Variants in PPARA observed in about 807,000 individuals in gnomAD.
PPARA encodes the protein peroxisome proliferator-activated receptor alpha.
In PPARA, 22 loss-of-function variants were observed where a neutral mutation model predicts 42.2. The observed-to-expected ratio is 0.52, with a 90% CI of 0.37 to 0.74. PPARA has a LOEUF of 0.74. PPARA is among the 30% of genes least tolerant of loss of function. PPARA has a pLI of 0.00. For missense variants in PPARA, 465 were observed against 608.2 expected, an observed-to-expected ratio of 0.76 and a Z score of 2.48; for synonymous variants, 242 against 239.3, an observed-to-expected ratio of 1.01 and a Z score of -0.10.
In PPARA at chr22:46,231,883, C is replaced by T. The variant is rs1042311; in HGVS notation, c.803C>T (p.Ala268Val). Reference sequence around the variant, plus strand: ...GCCAATGGCATCCAGAACAAGGAGGCGGAGGTCCGCATCTTTCACTGCTGC... The same window carrying T: ...GCCAATGGCATCCAGAACAAGGAGGTGGAGGTCCGCATCTTTCACTGCTGC... ...LVANGIQNKE[A>V]EVRIFHCCQC... The change falls in exon 8 of 9, where the codon GCG (alanine) becomes GTG (valine). Residue 268 changes from alanine to valine, a missense_variant. Ala to Val is a moderately conservative substitution (Grantham distance 64, BLOSUM62 0). Around this residue, in one of 2 missense-constraint regions of PPARA, gnomAD observed 313 missense variants for 469.1 expected, o/e 0.67. Transcript: ENST00000407236. The surrounding 1 kb of genome is among the most constrained non-coding windows in gnomAD (Gnocchi z 7.7). 8,500 of 1,614,122 alleles carry T rather than the reference C, an allele frequency of 5.3e-3. 32 individuals carry two copies. Among genetic ancestry groups the T allele is most frequent in the Non-Finnish European group, 6.4e-3 (7,503 of 1,180,018 alleles).
Position 46,196,135 on chromosome 22 carries a change from G to A in PPARA, c.-42-2207G>A, listed in dbSNP as rs1041121705. ...GGGAACAGTGTGTTCAGGAGACTGG[G>A]CTTCAATCTGGAGGTCTCAGGAAGT... On this transcript the variant is annotated intron_variant, in intron 3 of 8. Transcript: ENST00000407236. The surrounding 1 kb of genome is among the most constrained non-coding windows in gnomAD (Gnocchi z 5.6). Among the ~76,000 whole-genome samples the A allele has an allele frequency of 6.6e-6, 1 of 152,174 alleles. No individual in the cohort carries two copies. The highest frequency in any genetic ancestry group is 1.5e-5 in the Non-Finnish European group (1 of 68,038).
At chr22:46,175,191 A>T (rs909749739) in intron 2 of PPARA, among the ~76,000 whole-genome samples, 1 of 152,112 alleles carries the variant, frequency 6.6e-6, no homozygotes, top group African/African-American at 2.4e-5. Context: ...GAAATAATAC[A>T]GAGATCCCCA....
chr22:46,218,562 G>C (rs999095756), intron 6 of PPARA, among the ~76,000 whole-genome samples, 161 bp downstream of exon 6: 3 of 152,084 alleles, frequency 2.0e-5, no homozygotes. Flanking sequence ...GCCCAGGCGC[G>C]GTGGTTCACG....
At position 46,225,034 on chromosome 22, in the gene PPARA, G is replaced by C. The variant is rs1935302660; in HGVS notation, c.711+5020G>C. On this transcript the variant is annotated intron_variant, in intron 7 of 8. Coordinates refer to ENST00000407236, the MANE Select transcript of PPARA (RefSeq NM_005036.6). This position sits in a 1 kb window ranked among gnomAD's most constrained non-coding sequence, Gnocchi z 4.1. Reference sequence around the variant, plus strand: ...GCCTAGAATCAGCCAGGAGGCTTGGGTCGGGGTTGGAACCGGCCAGGGTGC... The same window carrying C: ...GCCTAGAATCAGCCAGGAGGCTTGGCTCGGGGTTGGAACCGGCCAGGGTGC... Among the ~76,000 whole-genome samples, 1 of 152,108 alleles carries C rather than the reference G, an allele frequency of 6.6e-6. No individual in the cohort carries two copies. Among genetic ancestry groups the C allele is most frequent in the Non-Finnish European group, 1.5e-5 (1 of 68,018 alleles).
rs1324075322 is a variant in PPARA at position 46,239,503 on chromosome 22, C to T, written c.*4123C>T. On this transcript the variant is annotated 3_prime_UTR_variant, in exon 9 of 9. Coordinates refer to ENST00000407236, the MANE Select transcript of PPARA (RefSeq NM_005036.6). ...CACAGGGGAGCAGCATCTCGTATGA[C>T]GTCTGGAAGGAACTTCGGTTGTGTA... is the stretch of plus-strand genomic sequence containing the variant. The T allele has an allele frequency of 6.8e-6, 1 of 147,360 alleles. No individual in the cohort carries two copies. The highest frequency in any genetic ancestry group is 1.5e-5 in the Non-Finnish European group (1 of 67,130). 9.1% of individuals were successfully genotyped at this position (147,360 alleles called of 1,614,324 possible).
chr22:46,193,867 A>G lies in PPARA; in HGVS notation c.-42-4475A>G, dbSNP rs1408402714. ...TGGACCAGAGGTTGCAGTTGTTGAG[A>G]AAAGGGATGGTTGGTTATGCCTTGA... On this transcript the variant is annotated intron_variant, in intron 3 of 8. Coordinates refer to ENST00000407236, the MANE Select transcript of PPARA (RefSeq NM_005036.6). This position sits in a 1 kb window ranked among gnomAD's most constrained non-coding sequence, Gnocchi z 5.3. Among the ~76,000 whole-genome samples, 1 of 152,156 alleles carries G rather than the reference A, an allele frequency of 6.6e-6. No homozygotes were observed. The highest frequency in any genetic ancestry group is 2.4e-5 in the African/African-American group (1 of 41,432).
Position 46,161,036 on chromosome 22 carries a change from C to T in PPARA, c.-127+9066C>T, listed in dbSNP as rs941568009. Among the ~76,000 whole-genome samples, 1 of 152,172 alleles carries T rather than the reference C, an allele frequency of 6.6e-6. No individual in the cohort carries two copies. Among genetic ancestry groups the T allele is most frequent in the Non-Finnish European group, 1.5e-5 (1 of 68,032 alleles). On this transcript the variant is annotated intron_variant, in intron 2 of 8. Coordinates refer to ENST00000407236, the MANE Select transcript of PPARA (RefSeq NM_005036.6). This position sits in a 1 kb window ranked among gnomAD's most constrained non-coding sequence, Gnocchi z 4.8. ...AAGTGAAAGTGAATATTTAACCACA[C>T]TCAAGCACAGCTGATGATCTTTAAT...
In PPARA at chr22:46,216,746, A is replaced by T. The variant is rs1445762540; in HGVS notation, c.369+1413A>T. Among the ~76,000 whole-genome samples, 1 of 152,158 alleles carries T rather than the reference A, an allele frequency of 6.6e-6. No homozygotes were observed. The highest frequency in any genetic ancestry group is 2.4e-5 in the African/African-American group (1 of 41,432). ...CAGATGTGACCTGGGCCAGGAGTGCATGAAGGCAGGCCCTGTTGTCCTGCA... is the reference window on the plus strand; with the variant it reads ...CAGATGTGACCTGGGCCAGGAGTGCTTGAAGGCAGGCCCTGTTGTCCTGCA... On this transcript the variant is annotated intron_variant, in intron 5 of 8. Transcript: ENST00000407236. The surrounding 1 kb of genome is among the most constrained non-coding windows in gnomAD (Gnocchi z 4.5).
rs916454362 is a variant in PPARA at position 46,167,348 on chromosome 22, T to A, written c.-126-9405T>A. On this transcript the variant is annotated intron_variant, in intron 2 of 8. Transcript: ENST00000407236. This position sits in a 1 kb window ranked among gnomAD's most constrained non-coding sequence, Gnocchi z 4.1. ...AATTATTATTGAAATGGGTCATAGATCTAATTGTAAGAGTTAAAACCATCC... is the reference window on the plus strand; with the variant it reads ...AATTATTATTGAAATGGGTCATAGAACTAATTGTAAGAGTTAAAACCATCC... Among the ~76,000 whole-genome samples, 12 of 151,954 alleles carry A rather than the reference T, an allele frequency of 7.9e-5. No individual in the cohort carries two copies. The highest frequency in any genetic ancestry group is 1.5e-4 in the Non-Finnish European group (10 of 68,006).
chr22:46,219,731 CT>C lies in PPARA; in HGVS notation c.509-80del. The C allele has an allele frequency of 7.1e-7, 1 of 1,402,124 alleles. No homozygotes were observed. Among genetic ancestry groups the C allele is most frequent in the East Asian group, 2.3e-5 (1 of 42,996 alleles). The allele number at this position is 1,402,124 out of a possible 1,614,324, so 86.9% of individuals were successfully genotyped here. On this transcript the variant is annotated intron_variant, in intron 6 of 8. Coordinates refer to ENST00000407236, the MANE Select transcript of PPARA (RefSeq NM_005036.6). The surrounding 1 kb of genome is among the most constrained non-coding windows in gnomAD (Gnocchi z 4.8). ...GAATTTTCATTCCTGGTTTAAAGTC[CT>C]GGGGGAGCCCCTCGTCCAGCCCTGT... is the stretch of plus-strand genomic sequence containing the variant.
chr22:46,170,235 AG>A (rs962067065), intron 2 of PPARA, among the ~76,000 whole-genome samples: 5 of 150,794 alleles, frequency 3.3e-5, no homozygotes, highest in Middle Eastern at 3.4e-3. Flanking sequence ...TTTTGGTGGC[AG>A]GGGGGTGGGA....
intron 2 of PPARA, among the ~76,000 whole-genome samples, chr22:46,157,160 CTTAT>C (rs1925426232): frequency 6.6e-6 from 1 of 152,180 alleles, no homozygotes; most frequent in Non-Finnish European, 1.5e-5. Context: ...GAGAGGATGT[CTTAT>C]TTATTTCTGC....
At position 46,182,287 on chromosome 22, in the gene PPARA, C is replaced by T. The variant is rs1339147522; in HGVS notation, c.-43+5451C>T. 6.6e-6 allele frequency among the ~76,000 whole-genome samples: 1 copy of T among 152,228 alleles called. No homozygotes were observed. The highest frequency in any genetic ancestry group is 1.5e-5 in the Non-Finnish European group (1 of 68,044). On this transcript the variant is annotated intron_variant, in intron 3 of 8. Coordinates refer to ENST00000407236, the MANE Select transcript of PPARA (RefSeq NM_005036.6). The surrounding 1 kb of genome is among the most constrained non-coding windows in gnomAD (Gnocchi z 5.2). ...TCTATAGCTGCTTTATTTATAATAG[C>T]TCAGACTTGGAAACCATTCAGATGC...
intron 2 of PPARA, among the ~76,000 whole-genome samples, chr22:46,166,019 T>A (rs536876760): frequency 6.6e-6 from 1 of 152,158 alleles, no homozygotes; most frequent in African/African-American, 2.4e-5. Flanking sequence ...AAAATATTAA[T>A]TATCACTGCT....
chr22:46,180,451 T>C lies in PPARA; in HGVS notation c.-43+3615T>C, dbSNP rs1479441757. Among the ~76,000 whole-genome samples, 1 of 152,218 alleles carries C rather than the reference T, an allele frequency of 6.6e-6. No individual in the cohort carries two copies. Among genetic ancestry groups the C allele is most frequent in the African/African-American group, 2.4e-5 (1 of 41,454 alleles). ...ATATTAATTTTCCTTGTGTGAAACA[T>C]TAATCTTATCTAGCCTCCATGTATT... On this transcript the variant is annotated intron_variant, in intron 3 of 8. Transcript: ENST00000407236. The surrounding 1 kb of genome is among the most constrained non-coding windows in gnomAD (Gnocchi z 4.2).
chr22:46,199,896 T>A (rs1251594871), intron 4 of PPARA, among the ~76,000 whole-genome samples: 1 of 152,078 alleles, frequency 6.6e-6, no homozygotes, highest in African/African-American at 2.4e-5. Flanking sequence ...CTAATTTTTG[T>A]ATTTTTAGTA....
intron 4 of PPARA, among the ~76,000 whole-genome samples, chr22:46,207,367 C>A (rs953284620): frequency 6.7e-6 from 1 of 148,200 alleles, no homozygotes; most frequent in African/African-American, 2.5e-5. Context: ...CTGCACGCTC[C>A]GCCTCCCAGG....
rs187732712 is a variant in PPARA at position 46,184,363 on chromosome 22, G to C, written c.-43+7527G>C. ...ATAGGAGAGAAGTACCAAGTACCAT[G>C]GGGAGACAGAGTCCAGAATCTCAGA... On this transcript the variant is annotated intron_variant, in intron 3 of 8. Transcript: ENST00000407236. This position sits in a 1 kb window ranked among gnomAD's most constrained non-coding sequence, Gnocchi z 4.4. 3.3e-5 allele frequency among the ~76,000 whole-genome samples: 5 copies of C among 152,310 alleles called. No individual in the cohort carries two copies. The East Asian group carries it at 7.7e-4, about 23-fold the overall frequency.
At chr22:46,151,534 TAA>T (rs1399069279) in intron 1 of PPARA, among the ~76,000 whole-genome samples, 1 of 152,240 alleles carries the variant, frequency 6.6e-6, no homozygotes, top group Admixed American at 6.5e-5. Context: ...AAGTCTTTTT[TAA>T]AAGTTAAAAG....
Sources: allele counts gnomAD v4.1 joint callset (sites outside exome capture counted in the v4.1 genomes callset), GRCh38; gene constraint gnomAD v4.1.1; regional missense constraint gnomAD v4.1.1; non-coding constraint Gnocchi (gnomAD v3.1); transcripts MANE v1.5; gene names NCBI Gene and HGNC (gene_info 2026-07-23, HGNC 2026-07-21).